RAD52: variants seen among roughly 807,000 people sequenced by gnomAD.
RAD52 encodes the protein RAD52 DNA repair protein, also known as DNA repair protein RAD52 homolog.
A neutral mutation model predicts 55.5 loss-of-function variants in RAD52; 47 were observed. The ratio of observed to expected loss-of-function variants is 0.85; its 90% CI spans 0.67 to 1.08. The LOEUF (loss-of-function observed/expected upper bound fraction) is 1.08, where lower values mean the gene tolerates loss of function less well. RAD52 is among the 50% of genes least tolerant of loss of function. RAD52 has a pLI of 0.00. For synonymous variants in RAD52, 184 were observed against 198.9 expected, an observed-to-expected ratio of 0.92 and a Z score of 0.63; for missense variants, 468 against 522.8, an observed-to-expected ratio of 0.90 and a Z score of 1.02.
At chr12:948,653 G>A (rs888334252) in intron 1 of RAD52, among the ~76,000 whole-genome samples, 1 of 150,982 alleles carries the variant, frequency 6.6e-6, no homozygotes, top group Non-Finnish European at 1.5e-5. Flanking sequence ...GCGAGACTAT[G>A]TCTCCACTTT....
chr12:919,364 T>G (rs1956584705), intron 7 of RAD52, among the ~76,000 whole-genome samples: 1 of 152,054 alleles, frequency 6.6e-6, no homozygotes, highest in Non-Finnish European at 1.5e-5. Context: ...GAGAATCGCT[T>G]GAACCCACGA....
chr12:948,331 G>A (rs562100664), intron 1 of RAD52, among the ~76,000 whole-genome samples: 29 of 152,284 alleles, frequency 1.9e-4, no homozygotes, highest in African/African-American at 7.0e-4. Context: ...TGATAAAAAT[G>A]TTCTGGAATT....
At chr12:967,016 G>A (rs1404471037) in intron 1 of RAD52, among the ~76,000 whole-genome samples, 1 of 151,900 alleles carries the variant, frequency 6.6e-6, no homozygotes, top group Non-Finnish European at 1.5e-5. Flanking sequence ...TTCACTTCCT[G>A]CTTGGTGCAA....
At chr12:965,249 T>C (rs932542442) in intron 1 of RAD52, among the ~76,000 whole-genome samples, 3 of 152,084 alleles carry the variant, frequency 2.0e-5, no homozygotes, top group Non-Finnish European at 4.4e-5. Flanking sequence ...AGTGCTGGGA[T>C]TACAGGCGTG....
intron 5 of RAD52, among the ~76,000 whole-genome samples, chr12:928,328 A>G (rs1352337591): frequency 1.3e-5 from 2 of 152,178 alleles, no homozygotes; most frequent in Non-Finnish European, 2.9e-5. Flanking sequence ...CCTGACCAAC[A>G]TGGAGAAACC....
intron 1 of RAD52, among the ~76,000 whole-genome samples, chr12:945,180 T>C (rs943368787): frequency 6.6e-6 from 1 of 151,830 alleles, no homozygotes; most frequent in Middle Eastern, 3.4e-3. Context: ...ATGAAACCTC[T>C]TCTCTACTAA....
At chr12:982,624 T>G (rs1959032326) in intron 1 of RAD52, among the ~76,000 whole-genome samples, 1 of 144,352 alleles carries the variant, frequency 6.9e-6, no homozygotes, top group African/African-American at 2.5e-5. Flanking sequence ...TATTCCTTAC[T>G]CCTACCAACA....
chr12:959,758 T>C (rs1431681478), intron 1 of RAD52, among the ~76,000 whole-genome samples: 1 of 152,036 alleles, frequency 6.6e-6, no homozygotes, highest in Non-Finnish European at 1.5e-5. Flanking sequence ...CATTGGAAAG[T>C]CTCTAGTTAA....
At chr12:920,891 T>C (rs1391130009) in intron 7 of RAD52, among the ~76,000 whole-genome samples, 2 of 152,220 alleles carry the variant, frequency 1.3e-5, no homozygotes, top group Non-Finnish European at 2.9e-5. Context: ...ACAGACTACA[T>C]GTTAGGCCAC....
intron 7 of RAD52, among the ~76,000 whole-genome samples, chr12:919,393 C>T (rs1324472686): frequency 6.6e-6 from 1 of 151,974 alleles, no homozygotes. Flanking sequence ...TTGCAGTGAT[C>T]ACAACATTGC....
rs556034242 is a variant in RAD52 at position 948,731 on chromosome 12, G to T, written c.-19+871C>A. Among the ~76,000 whole-genome samples, 8 of 151,152 alleles carry T rather than the reference G, an allele frequency of 5.3e-5. No individual in the cohort carries two copies. In the East Asian group the frequency reaches 1.6e-3, roughly 29 times the overall value. On this transcript the variant is annotated intron_variant, in intron 1 of 11. Coordinates refer to ENST00000358495, the MANE Select transcript of RAD52 (RefSeq NM_134424.4). The stretch of plus-strand genomic sequence containing the variant: ...CTTTTTTTTTTTTGGATGGATTCTC[G>T]CTCTGTCCCCCAGGCTGGAGTGCAG...
intron 1 of RAD52, among the ~76,000 whole-genome samples, chr12:966,525 C>T (rs1464929577): frequency 2.6e-5 from 4 of 151,954 alleles, no homozygotes; most frequent in Non-Finnish European, 4.4e-5. Context: ...TTGTTTAAGC[C>T]GTTACTCCAT....
At chr12:947,253 G>A (rs995985276) in intron 1 of RAD52, among the ~76,000 whole-genome samples, 1 of 152,134 alleles carries the variant, frequency 6.6e-6, no homozygotes, top group African/African-American at 2.4e-5. Context: ...TTGAATCCAG[G>A]AGGCAGAAGT....
chr12:928,633 A>G (rs1957168322), intron 5 of RAD52, among the ~76,000 whole-genome samples: 1 of 152,026 alleles, frequency 6.6e-6, no homozygotes, highest in South Asian at 2.1e-4. Context: ...CATAAATTTT[A>G]TATTTTAAAT....
At position 916,708 on chromosome 12, in the gene RAD52, A is replaced by G; in HGVS notation, c.656T>C (p.Leu219Pro). The G allele has an allele frequency of 6.2e-7, 1 of 1,614,154 alleles. No individual in the cohort carries two copies. Among genetic ancestry groups the G allele is most frequent in the Non-Finnish European group, 8.5e-7 (1 of 1,180,012 alleles). ...RPNMALGHPQ[L>P]QQVTSPSRPS... is the part of the protein sequence containing the mutation. ...TCTGGAAGGGGAGGTCACCTGCTGC[A>G]GCTGTGGGTGTCCCAGGGCCATGTT... is the stretch of plus-strand genomic sequence containing the variant. The change falls in exon 8 of 12, where the codon CTG (leucine) becomes CCG (proline). Residue 219 changes from leucine (L) to proline (P), a missense_variant. By Grantham distance (98) the Leu-to-Pro change is moderately conservative. Transcript: ENST00000358495.
At chr12:940,695 G>A (rs1363896042) in intron 1 of RAD52, among the ~76,000 whole-genome samples, 1 of 152,030 alleles carries the variant, frequency 6.6e-6, no homozygotes, top group Non-Finnish European at 1.5e-5. Flanking sequence ...AAATGTAAGA[G>A]CCAAAGGACA....
chr12:971,811 G>C (rs904206753), intron 1 of RAD52, among the ~76,000 whole-genome samples: 4 of 151,622 alleles, frequency 2.6e-5, no homozygotes, highest in Non-Finnish European at 4.4e-5. Flanking sequence ...GCAGTGGCGC[G>C]ATCTCGGCTC....
chr12:933,892 C>T (rs1957468471), intron 1 of RAD52, among the ~76,000 whole-genome samples: 2 of 151,952 alleles, frequency 1.3e-5, no homozygotes, highest in African/African-American at 2.4e-5. Flanking sequence ...GAGGCCAAGG[C>T]AGAAGGACTG....
upstream of RAD52, among the ~76,000 whole-genome samples, chr12:952,560 C>G (rs974904549): frequency 1.3e-5 from 2 of 152,000 alleles, no homozygotes; most frequent in African/African-American, 4.8e-5. Context: ...TGAGGTCATA[C>G]TCAATTCAGG....
Sources: gnomAD v4.1 joint callset for allele counts (sites outside exome capture counted in the v4.1 genomes callset) on GRCh38, gnomAD v4.1.1 for gene constraint, MANE v1.5 for transcripts, NCBI Gene and HGNC (gene_info 2026-07-23, HGNC 2026-07-21) for gene names.